The following LINGO2 variants were observed in gnomAD, a reference collection of about 807,000 sequenced individuals.
LINGO2 encodes leucine-rich repeat and immunoglobulin-like domain-containing nogo receptor-interacting protein 2.
A neutral mutation model predicts 30.6 loss-of-function variants in LINGO2; 14 were observed. That is an observed-to-expected ratio of 0.46 (90% CI 0.30 to 0.72). The LOEUF (loss-of-function observed/expected upper bound fraction) is 0.72. LINGO2 is among the 30% of genes least tolerant of loss of function. The probability of loss-of-function intolerance (pLI) is 0.07; values close to 1 mark genes in which losing one functional copy is unlikely to be tolerated. For missense variants in LINGO2, 729 were observed against 751.7 expected, an observed-to-expected ratio of 0.97 and a Z score of 0.35; for synonymous variants, 317 against 288.5, an observed-to-expected ratio of 1.10 and a Z score of -1.00.
intron 3 of LINGO2, among the ~76,000 whole-genome samples, chr9:28,344,523 T>A (rs946014676): frequency 6.6e-6 from 1 of 152,114 alleles, no homozygotes; most frequent in African/African-American, 2.4e-5. Context: ...ACAAAAAGTA[T>A]CTGGGTATAT....
At position 28,448,750 on chromosome 9, in the gene LINGO2, C is replaced by G. The variant is rs767978806; in HGVS notation, c.-279+27190G>C. Among the ~76,000 whole-genome samples, 8 of 152,012 alleles carry G rather than the reference C, an allele frequency of 5.3e-5. No individual in the cohort carries two copies. In the South Asian group the frequency reaches 6.3e-4, roughly 12 times the overall value. On this transcript the variant is annotated intron_variant, in intron 2 of 5. Transcript: ENST00000379992. Reference sequence around the variant, plus strand: ...TAGGTGGAAGGAGCATTTAAGCTAGCCTTGAGTGACTGGTAGGATTCTGCA... The same window carrying G: ...TAGGTGGAAGGAGCATTTAAGCTAGGCTTGAGTGACTGGTAGGATTCTGCA...
chr9:28,959,610 C>A, the LINGO2 span, among the ~76,000 whole-genome samples: 51 of 141,712 alleles, frequency 3.6e-4, no homozygotes, highest in African/African-American at 1.2e-3. Context: ...TCTCTCTCTC[C>A]CTCACACACA....
intron 4 of LINGO2, among the ~76,000 whole-genome samples, chr9:28,158,247 C>T: frequency 6.6e-6 from 1 of 152,118 alleles, no homozygotes; most frequent in South Asian, 2.1e-4. Context: ...CATCAGATCT[C>T]ATGAGACTTA....
At chr9:28,456,767 TA>T (rs1824867245) in intron 2 of LINGO2, among the ~76,000 whole-genome samples, 2 of 152,196 alleles carry the variant, frequency 1.3e-5, no homozygotes, top group Non-Finnish European at 2.9e-5. Flanking sequence ...GAAGTTCTTG[TA>T]AAAATATAAG....
intron 2 of LINGO2, among the ~76,000 whole-genome samples, chr9:28,409,853 T>G (rs1016264290): frequency 6.5e-5 from 8 of 123,602 alleles, no homozygotes; most frequent in Non-Finnish European, 1.4e-4. Flanking sequence ...CTAAAGGACA[T>G]GAAAATCATA....
At chr9:28,521,398 C>G (rs1443705631) in intron 1 of LINGO2, among the ~76,000 whole-genome samples, 1 of 152,072 alleles carries the variant, frequency 6.6e-6, no homozygotes, top group Non-Finnish European at 1.5e-5. Context: ...ACTTACAATG[C>G]CAAACCTAGA....
intron 1 of LINGO2, among the ~76,000 whole-genome samples, chr9:28,500,171 G>A (rs993891433): frequency 6.6e-6 from 1 of 152,148 alleles, no homozygotes; most frequent in Admixed American, 6.5e-5. Flanking sequence ...TGACTTTGAA[G>A]ATTCCCAGAT....
the LINGO2 span, among the ~76,000 whole-genome samples, chr9:29,094,457 C>G: frequency 3.6e-5 from 5 of 139,070 alleles, 1 homozygote; most frequent in African/African-American, 1.3e-4. Flanking sequence ...AACAATTCAT[C>G]TAACTCATGT....
rs1000647483 is a variant in LINGO2 at position 28,329,434 on chromosome 9, G to A, written c.-245-34068C>T. Among the ~76,000 whole-genome samples, 40 of 152,044 alleles carry A rather than the reference G, an allele frequency of 2.6e-4. No homozygotes were observed. Among genetic ancestry groups the A allele is most frequent in the Non-Finnish European group, 1.5e-4 (10 of 68,010 alleles). On this transcript the variant is annotated intron_variant, in intron 3 of 5. Coordinates refer to ENST00000379992, the Ensembl canonical transcript of LINGO2. This position sits in a 1 kb window ranked among gnomAD's most constrained non-coding sequence, Gnocchi z 4.5. ...CTAATAAGGTAGGGGCACACACCACGCTGTCTCTTCGGCCAAGTCATTATT... is the reference window on the plus strand; with the variant it reads ...CTAATAAGGTAGGGGCACACACCACACTGTCTCTTCGGCCAAGTCATTATT...
the LINGO2 span, among the ~76,000 whole-genome samples, chr9:29,033,755 C>A: frequency 1.3e-5 from 2 of 151,868 alleles, no homozygotes; most frequent in South Asian, 4.1e-4. Context: ...TGTTATTACT[C>A]TAAAATTCTG....
intron 4 of LINGO2, among the ~76,000 whole-genome samples, chr9:28,101,790 A>G (rs1826423935): frequency 6.6e-6 from 1 of 152,178 alleles, no homozygotes; most frequent in Non-Finnish European, 1.5e-5. Context: ...TGCGGATTAC[A>G]TTCCCCTGCC....
chr9:28,504,612 T>C (rs1216755385), intron 1 of LINGO2, among the ~76,000 whole-genome samples: 2 of 151,906 alleles, frequency 1.3e-5, no homozygotes, highest in Middle Eastern at 3.4e-3. Flanking sequence ...TACATTTTAA[T>C]GCATTAGCTT....
At chr9:28,055,445 C>T (rs1383588753) in intron 4 of LINGO2, among the ~76,000 whole-genome samples, 4 of 152,088 alleles carry the variant, frequency 2.6e-5, no homozygotes, top group Admixed American at 6.6e-5. Context: ...AGGGCATTTG[C>T]AGCAAGTCTG....
chr9:28,898,580 G>T, the LINGO2 span, among the ~76,000 whole-genome samples: 2 of 151,974 alleles, frequency 1.3e-5, no homozygotes, highest in Non-Finnish European at 2.9e-5. Flanking sequence ...CATAGTAATC[G>T]ACCCCTTTTT....
At chr9:28,362,659 G>A (rs745493483) in intron 3 of LINGO2, among the ~76,000 whole-genome samples, 11 of 151,822 alleles carry the variant, frequency 7.2e-5, no homozygotes, top group Non-Finnish European at 1.3e-4. Flanking sequence ...TAGTAGAGAC[G>A]GGGTTTCTCC....
At chr9:28,244,639 G>C (rs1821931219) in intron 4 of LINGO2, among the ~76,000 whole-genome samples, 2 of 152,054 alleles carry the variant, frequency 1.3e-5, no homozygotes, top group South Asian at 4.1e-4. Context: ...TGACCTCACA[G>C]AAATACAAAC....
chr9:27,983,899 T>A (rs1048327627), intron 5 of LINGO2, among the ~76,000 whole-genome samples: 4 of 152,024 alleles, frequency 2.6e-5, no homozygotes, highest in South Asian at 4.1e-4. Context: ...TGGCAAGGTC[T>A]ACATCAGAGT....
intron 4 of LINGO2, among the ~76,000 whole-genome samples, chr9:28,043,132 C>T (rs1026212117): frequency 1.1e-4 from 17 of 152,204 alleles, no homozygotes; most frequent in Admixed American, 1.0e-3. Context: ...GCTGCACCAA[C>T]GAGACAGGTA....
chr9:28,814,564 C>T, the LINGO2 span, among the ~76,000 whole-genome samples: 1 of 152,118 alleles, frequency 6.6e-6, no homozygotes, highest in South Asian at 2.1e-4. Context: ...CAAATCTATT[C>T]TCCCTAGCAC....
Sources: allele counts gnomAD v4.1 joint callset (sites outside exome capture counted in the v4.1 genomes callset), GRCh38; gene constraint gnomAD v4.1.1; non-coding constraint Gnocchi (gnomAD v3.1); transcripts MANE v1.5; gene names NCBI Gene and HGNC (gene_info 2026-07-23, HGNC 2026-07-21).